Variants in TENM3 observed in about 807,000 individuals in gnomAD.
TENM3 encodes teneurin transmembrane protein 3.
A neutral mutation model predicts 255.1 loss-of-function variants in TENM3; 63 were observed. That is an observed-to-expected ratio of 0.25 (90% CI 0.20 to 0.30). The LOEUF is 0.30. Among genes scored for constraint, TENM3 ranks in the 10% least tolerant of loss-of-function variants. The probability of loss-of-function intolerance (pLI) is 1.00; values close to 1 mark genes in which losing one functional copy is unlikely to be tolerated. For synonymous variants in TENM3, 1,306 were observed against 1,322.3 expected (o/e 0.99, Z 0.27); for missense variants, 2,929 against 3,461.1 (o/e 0.85, Z 3.86).
At chr4:181,601,313 A>G in the TENM3 span, among the ~76,000 whole-genome samples, 1 of 152,284 alleles carries the variant, frequency 6.6e-6, no homozygotes, top group African/African-American at 2.4e-5. Flanking sequence ...TTCGTTTGCT[A>G]TGGTTGCCAT....
chr4:181,505,756 A>G, the TENM3 span, among the ~76,000 whole-genome samples: 1 of 152,196 alleles, frequency 6.6e-6, no homozygotes, highest in African/African-American at 2.4e-5. Context: ...AGATTATAGC[A>G]GAAATTCAAT....
intron 6 of TENM3, among the ~76,000 whole-genome samples, chr4:182,669,566 G>A (rs143575357): frequency 2.2e-4 from 33 of 151,928 alleles, no homozygotes; most frequent in African/African-American, 6.5e-4. Context: ...CACCACACCC[G>A]GCCTTCCATG....
chr4:182,753,462 A>G lies in TENM3; in HGVS notation c.3875A>G (p.Asp1292Gly), dbSNP rs1561201744. 1 of 1,613,118 alleles carries G rather than the reference A, an allele frequency of 6.2e-7. No individual in the cohort carries two copies. The highest frequency in any genetic ancestry group is 2.2e-5 in the East Asian group (1 of 44,868). ...CTCTCAAATACAGGAATGGCAGTTG[A>G]TAAGAATGGATTAATCTACTTTGTT... ...TLMSPKGMAV[D>G]KNGLIYFVDG... The change falls in exon 21 of 28, where the codon GAT becomes GGT. Residue 1292 changes from aspartate to glycine, a missense_variant. Transcript: ENST00000511685.
chr4:181,822,986 A>C, the TENM3 span, among the ~76,000 whole-genome samples: 2 of 152,212 alleles, frequency 1.3e-5, no homozygotes, highest in Non-Finnish European at 2.9e-5. Context: ...ACGATCTAAA[A>C]AAAAGGCGGA....
the TENM3 span, among the ~76,000 whole-genome samples, chr4:181,491,291 C>T: frequency 4.6e-5 from 7 of 151,880 alleles, no homozygotes; most frequent in Admixed American, 2.6e-4. Flanking sequence ...TAAGTAAAAG[C>T]TGTATTCACT....
the TENM3 span, among the ~76,000 whole-genome samples, chr4:182,076,538 C>T: frequency 1.5e-4 from 23 of 152,310 alleles, no homozygotes; most frequent in African/African-American, 4.1e-4. Context: ...CCAGTGACCA[C>T]CTGATCCTTC....
chr4:182,245,337 A>C (rs1757569701), intron 1 of TENM3, among the ~76,000 whole-genome samples: 1 of 152,216 alleles, frequency 6.6e-6, no homozygotes, highest in Non-Finnish European at 1.5e-5. Flanking sequence ...GAAAAGTGAA[A>C]GAGCAAGTAG....
chr4:182,277,554 A>C (rs1382423629), intron 1 of TENM3, among the ~76,000 whole-genome samples: 1 of 152,124 alleles, frequency 6.6e-6, no homozygotes, highest in East Asian at 1.9e-4. Flanking sequence ...ATTATTGTTT[A>C]TTTTTATAGC....
chr4:181,575,069 A>T, the TENM3 span, among the ~76,000 whole-genome samples: 1 of 152,228 alleles, frequency 6.6e-6, no homozygotes, highest in Admixed American at 6.5e-5. Context: ...CATATAAAAC[A>T]TAAAGTAAAA....
At chr4:182,020,521 C>A in the TENM3 span, among the ~76,000 whole-genome samples, 1 of 151,826 alleles carries the variant, frequency 6.6e-6, no homozygotes, top group African/African-American at 2.4e-5. Context: ...AATAATATAC[C>A]ATTTCACATA....
chr4:182,474,648 T>G (rs1339845294), intron 3 of TENM3, among the ~76,000 whole-genome samples: 1 of 152,210 alleles, frequency 6.6e-6, no homozygotes, highest in African/African-American at 2.4e-5. Flanking sequence ...CCTGTTAAAC[T>G]GTTTTGTTTC....
At chr4:181,883,673 A>G in the TENM3 span, among the ~76,000 whole-genome samples, 1 of 151,998 alleles carries the variant, frequency 6.6e-6, no homozygotes, top group African/African-American at 2.4e-5. Flanking sequence ...ACGGGGTTTC[A>G]TCGTTGTGTT....
chr4:181,605,536 AAG>A, the TENM3 span, among the ~76,000 whole-genome samples: 1 of 29,640 alleles, frequency 3.4e-5, no homozygotes. Flanking sequence ...GAAAGAAAGA[AAG>A]AAAGAAAGAA....
chr4:182,689,840 T>G (rs1471611031), intron 12 of TENM3, among the ~76,000 whole-genome samples: 1 of 152,238 alleles, frequency 6.6e-6, no homozygotes, highest in Non-Finnish European at 1.5e-5. Context: ...TCTTAAAACA[T>G]GATGAGTTTT....
At chr4:182,127,241 T>C in the TENM3 span, among the ~76,000 whole-genome samples, 1 of 152,210 alleles carries the variant, frequency 6.6e-6, no homozygotes, top group East Asian at 1.9e-4. Flanking sequence ...AATGGATAAA[T>C]TTAAAAGCAG....
the TENM3 span, among the ~76,000 whole-genome samples, chr4:182,056,801 C>T: frequency 3.3e-5 from 5 of 151,928 alleles, no homozygotes; most frequent in East Asian, 9.7e-4. Flanking sequence ...TCAATGCAAT[C>T]AGTGAACAGA....
the TENM3 span, among the ~76,000 whole-genome samples, chr4:182,129,921 T>C: frequency 6.6e-6 from 1 of 152,070 alleles, no homozygotes; most frequent in African/African-American, 2.4e-5. Context: ...CATAAGTATA[T>C]GTGAGGGTAT....
the TENM3 span, among the ~76,000 whole-genome samples, chr4:181,689,415 G>C: frequency 6.6e-6 from 1 of 152,214 alleles, no homozygotes; most frequent in East Asian, 1.9e-4. Flanking sequence ...CACCTGTCAA[G>C]ATGGTTTCCC....
chr4:182,306,091 A>AGT (rs1415345262), intron 1 of TENM3, among the ~76,000 whole-genome samples: 2 of 152,122 alleles, frequency 1.3e-5, no homozygotes, highest in African/African-American at 4.8e-5. Context: ...AAGTTACACA[A>AGT]ACCTGTACTT....
Sources: allele counts gnomAD v4.1 joint callset (sites outside exome capture counted in the v4.1 genomes callset), GRCh38; gene constraint gnomAD v4.1.1; transcripts MANE v1.5; gene names NCBI Gene and HGNC (gene_info 2026-07-23, HGNC 2026-07-21).